Variants in KCNJ16 observed in about 807,000 individuals in gnomAD.
The protein encoded by KCNJ16 is inward rectifier potassium channel 16.
In KCNJ16, 15 loss-of-function variants were observed where a neutral mutation model predicts 18.5. The ratio of observed to expected loss-of-function variants is 0.81; its 90% CI spans 0.54 to 1.25. The LOEUF (loss-of-function observed/expected upper bound fraction) is 1.25. Ranked by LOEUF, KCNJ16 falls within the 50% of genes most tolerant of loss-of-function variation. KCNJ16 has a pLI of 0.00. For synonymous variants in KCNJ16, 174 were observed against 186.5 expected (o/e 0.93, Z 0.55); for missense variants, 523 against 525.7 (o/e 0.99, Z 0.05).
At chr17:70,083,192 T>TTA (rs1239329201) in intron 1 of KCNJ16, among the ~76,000 whole-genome samples, 1 of 148,488 alleles carries the variant, frequency 6.7e-6, no homozygotes, top group African/African-American at 2.5e-5. Context: ...GTAGCTGGGA[T>TTA]TATATATATT....
chr17:70,132,629 C>CCATT lies in KCNJ16; in HGVS notation c.544_547dup (p.Arg183HisfsTer24). 1.9e-6 allele frequency: 3 copies of CCATT among 1,614,190 alleles called. No individual in the cohort carries two copies. Among genetic ancestry groups the CCATT allele is most frequent in the Non-Finnish European group, 2.5e-6 (3 of 1,180,044 alleles). ...GCAACTGCTCGAAAGAGAGCCCAAACCATTCGTTTCAGCTACTTTGCACTT... is the reference window on the plus strand; with the variant it reads ...GCAACTGCTCGAAAGAGAGCCCAAACCATTCATTCGTTTCAGCTACTTTGCACTT... On this transcript the variant is annotated frameshift_variant, in exon 4 of 4. Transcript: ENST00000392671. LOFTEE classifies it high-confidence loss of function.
At chr17:70,099,753 T>G (rs745491671) in intron 1 of KCNJ16, among the ~76,000 whole-genome samples, 4 of 151,822 alleles carry the variant, frequency 2.6e-5, no homozygotes, top group Non-Finnish European at 5.9e-5. Context: ...AAGAAAAAAA[T>G]AATTCGCTCA....
intron 1 of KCNJ16, among the ~76,000 whole-genome samples, chr17:70,099,179 T>C (rs1233173259): frequency 6.6e-6 from 1 of 152,210 alleles, no homozygotes; most frequent in Middle Eastern, 3.2e-3. Flanking sequence ...TTCTGACCCA[T>C]GATTTTCACT....
At position 70,076,557 on chromosome 17, in the gene KCNJ16, C is replaced by G. The variant is rs193153672; in HGVS notation, c.-300+1167C>G. On this transcript the variant is annotated intron_variant, in intron 1 of 3. Coordinates refer to ENST00000392671, the MANE Select transcript of KCNJ16 (RefSeq NM_170741.4). ...TTGTGATAAATCTAAGATTATTAGTCTCATATACAACAAGACTGACAACCT... is the reference window on the plus strand; with the variant it reads ...TTGTGATAAATCTAAGATTATTAGTGTCATATACAACAAGACTGACAACCT... Among the ~76,000 whole-genome samples, 30 of 152,222 alleles carry G rather than the reference C, an allele frequency of 2.0e-4. No homozygotes were observed. In the East Asian group the frequency reaches 2.3e-3, roughly 12 times the overall value.
At chr17:70,122,024 T>C (rs953500314) in intron 2 of KCNJ16, among the ~76,000 whole-genome samples, 2 of 152,122 alleles carry the variant, frequency 1.3e-5, no homozygotes, top group Non-Finnish European at 2.9e-5. Flanking sequence ...TCTTAGGAAG[T>C]TGTTGCCATG....
At chr17:70,105,059 C>A (rs1279332545) in intron 2 of KCNJ16, 1 of 152,582 alleles carries the variant, frequency 6.6e-6, no homozygotes, top group Non-Finnish European at 1.5e-5. Flanking sequence ...ATCTGCACTT[C>A]ATCATCTTTC....
chr17:70,075,804 A>AC (rs1465402845), intron 1 of KCNJ16, among the ~76,000 whole-genome samples: 2 of 149,186 alleles, frequency 1.3e-5, no homozygotes, highest in Non-Finnish European at 3.0e-5. Flanking sequence ...TGTATTTTAT[A>AC]CCCCCCTCTT....
Position 70,118,266 on chromosome 17 carries a change from G to A in KCNJ16, c.-190-12613G>A, listed in dbSNP as rs1176733026. Among the ~76,000 whole-genome samples, 9 of 151,960 alleles carry A rather than the reference G, an allele frequency of 5.9e-5. No individual in the cohort carries two copies. The East Asian group carries it at 9.7e-4, about 16-fold the overall frequency. ...ACACACTGGGGCCTGTCGGGGGTTC[G>A]GGGGCTAGGGAAGGGATAGCATTAG... is the stretch of plus-strand genomic sequence containing the variant. On this transcript the variant is annotated intron_variant, in intron 2 of 3. Transcript: ENST00000392671.
intron 1 of KCNJ16, among the ~76,000 whole-genome samples, chr17:70,090,756 G>A (rs111841141): frequency 1.9e-4 from 29 of 150,376 alleles, no homozygotes; most frequent in Middle Eastern, 3.4e-3. Flanking sequence ...TCACAATACC[G>A]CTAACCCACT....
intron 2 of KCNJ16, chr17:70,101,993 T>C (rs1165371817): frequency 6.6e-6 from 1 of 152,126 alleles, no homozygotes; most frequent in Admixed American, 6.6e-5. Flanking sequence ...TTAAGTGAAG[T>C]ATTTTACATG....
chr17:70,089,171 T>C (rs2143674784), intron 1 of KCNJ16, among the ~76,000 whole-genome samples: 1 of 152,258 alleles, frequency 6.6e-6, no homozygotes, highest in East Asian at 1.9e-4. Flanking sequence ...CCTGAACCTA[T>C]AAATGGTTTC....
chr17:70,112,006 A>C (rs866158431), intron 2 of KCNJ16, among the ~76,000 whole-genome samples: 1 of 152,310 alleles, frequency 6.6e-6, no homozygotes, highest in Middle Eastern at 3.4e-3. Flanking sequence ...TACAAAGAAC[A>C]TTCTTTGATT....
chr17:70,100,218 G>A (rs375394460), intron 1 of KCNJ16, among the ~76,000 whole-genome samples: 1 of 152,230 alleles, frequency 6.6e-6, no homozygotes, highest in Admixed American at 6.5e-5. Flanking sequence ...AAGAAAAATC[G>A]GTAAAACTTA....
rs2074102381 is a variant in KCNJ16 at position 70,132,713 on chromosome 17, A to G, written c.626A>G (p.Asn209Ser). The change falls in exon 4 of 4, where the codon AAC becomes AGC. Residue 209 changes from asparagine (N) to serine (S), a missense_variant. By Grantham distance (46) the Asn-to-Ser change is conservative. Coordinates refer to ENST00000392671, the MANE Select transcript of KCNJ16 (RefSeq NM_170741.4). ...LMWRIGDFRP[N>S]HVVEGTVRAQ... is the part of the protein sequence containing the mutation. Reference sequence around the variant, plus strand: ...TGGCGCATTGGTGATTTTCGGCCAAACCACGTGGTAGAAGGAACAGTTAGA... The same window carrying G: ...TGGCGCATTGGTGATTTTCGGCCAAGCCACGTGGTAGAAGGAACAGTTAGA... 5 of 1,613,994 alleles carry G rather than the reference A, an allele frequency of 3.1e-6. No homozygotes were observed. Among genetic ancestry groups the G allele is most frequent in the Admixed American group, 3.3e-5 (2 of 60,004 alleles).
chr17:70,123,263 A>C (rs2073719872), intron 2 of KCNJ16, among the ~76,000 whole-genome samples: 1 of 111,308 alleles, frequency 9.0e-6, no homozygotes, highest in Non-Finnish European at 2.0e-5. Context: ...CTTTGAAAAG[A>C]TATTGAAAAG....
intron 2 of KCNJ16, among the ~76,000 whole-genome samples, chr17:70,106,930 G>A (rs1462613758): frequency 6.6e-6 from 1 of 152,124 alleles, no homozygotes; most frequent in African/African-American, 2.4e-5. Flanking sequence ...CTCTTAATAG[G>A]CCACCCCCTT....
At chr17:70,103,303 T>TGC (rs1567789385) in intron 2 of KCNJ16, among the ~76,000 whole-genome samples, 11 of 18,832 alleles carry the variant, frequency 5.8e-4, no homozygotes, top group South Asian at 4.3e-3. Context: ...TGTGTATATA[T>TGC]ATATATATAT....
chr17:70,114,236 G>A (rs1317679522), intron 2 of KCNJ16, among the ~76,000 whole-genome samples: 3 of 152,112 alleles, frequency 2.0e-5, no homozygotes, highest in South Asian at 2.1e-4. Flanking sequence ...CACTATCCAG[G>A]GAGTTTCTGG....
At chr17:70,102,852 C>T (rs1233480446) in intron 2 of KCNJ16, among the ~76,000 whole-genome samples, 2 of 152,120 alleles carry the variant, frequency 1.3e-5, no homozygotes, top group African/African-American at 2.4e-5. Flanking sequence ...AGTGACATCA[C>T]ACTGCTAAAT....
Sources: gnomAD v4.1 joint callset for allele counts (sites outside exome capture counted in the v4.1 genomes callset) on GRCh38, gnomAD v4.1.1 for gene constraint, MANE v1.5 for transcripts, NCBI Gene and HGNC (gene_info 2026-07-23, HGNC 2026-07-21) for gene names.